The following LAMTOR1 variants were observed in gnomAD, a reference collection of about 807,000 sequenced individuals.
LAMTOR1 encodes ragulator complex protein LAMTOR1.
In LAMTOR1, 8 loss-of-function variants were observed where a neutral mutation model predicts 20.5. The observed-to-expected ratio is 0.39, with a 90% CI of 0.23 to 0.70. The LOEUF (loss-of-function observed/expected upper bound fraction) is 0.70, where lower values mean the gene tolerates loss of function less well. Ranked by LOEUF, LAMTOR1 falls within the 30% of genes least tolerant of loss-of-function variation. The pLI is 0.43. For missense variants in LAMTOR1, 135 were observed against 206.2 expected, an observed-to-expected ratio of 0.65 and a Z score of 2.11; for synonymous variants, 77 against 80.9, an observed-to-expected ratio of 0.95 and a Z score of 0.26.
In LAMTOR1 at chr11:72,098,431, G is replaced by A. The variant is rs1265167597; in HGVS notation, c.267-16C>T. The A allele has an allele frequency of 3.1e-6, 5 of 1,604,858 alleles. No individual in the cohort carries two copies. Among genetic ancestry groups the A allele is most frequent in the Non-Finnish European group, 4.3e-6 (5 of 1,176,210 alleles). On this transcript the variant is annotated splice_polypyrimidine_tract_variant and intron_variant, in intron 3 of 4. Transcript: ENST00000278671. ...CAAGCGGGTGCTGACCAAGAGAGAG[G>A]GGGTGGGGGTAGGCAGTTAAGCCAC...
In LAMTOR1 at chr11:72,098,369, G is replaced by A. The variant is rs759702170; in HGVS notation, c.313C>T (p.Leu105=). The A allele has an allele frequency of 6.2e-7, 1 of 1,612,594 alleles. No homozygotes were observed. The highest frequency in any genetic ancestry group is 1.1e-5 in the South Asian group (1 of 90,708). The change falls in exon 4 of 5, where the codon CTG becomes TTG. Residue 105 remains leucine (L), a synonymous_variant. Coordinates refer to ENST00000278671, the MANE Select transcript of LAMTOR1 (RefSeq NM_017907.3). ...CTGGTAAGAGACGGCAGCGGTGGCA[G>A]CTTCTTCCAATGGGTCAGGCTGCTG... ...LSSSLTHWKK[L]PPLPSLTSQP...
At position 72,099,261 on chromosome 11, in the gene LAMTOR1, A is replaced by C. The variant is rs776374341; in HGVS notation, c.43-5T>G. 4 of 1,553,726 alleles carry C rather than the reference A, an allele frequency of 2.6e-6. No individual in the cohort carries two copies. In the South Asian group the frequency reaches 4.9e-5, roughly 19 times the overall value. ...CAGCTTCCGCTCCTCTCGGTCCTAG[A>C]AGTGGTCATGGGAGAGAAGTCAGCC... On this transcript the variant is annotated splice_polypyrimidine_tract_variant and splice_region_variant and intron_variant, in intron 1 of 4. Transcript: ENST00000278671.
rs1161521924 is a variant in LAMTOR1 at position 72,097,473 on chromosome 11, G to T, written c.*349C>A. The T allele has an allele frequency of 4.7e-6, 5 of 1,063,328 alleles. No individual in the cohort carries two copies. In the East Asian group the frequency reaches 3.1e-4, roughly 66 times the overall value. The allele number at this position is 1,063,328 out of a possible 1,614,324, so 65.9% of individuals were successfully genotyped here. ...CAAGTCAGGGAGAGGGGGCAGGAGT[G>T]ACTCTGAGGCCAACAGAGAGGGTGG... On this transcript the variant is annotated 3_prime_UTR_variant, in exon 5 of 5. Transcript: ENST00000278671.
chr11:72,102,022 G>A (rs542309910), intron 1 of LAMTOR1, among the ~76,000 whole-genome samples: 1 of 152,270 alleles, frequency 6.6e-6, no homozygotes, highest in Admixed American at 6.5e-5. Flanking sequence ...CCTAACACAG[G>A]GCAAAGGAAA....
intron 3 of LAMTOR1, 113 bp downstream of exon 3, chr11:72,098,668 C>T: frequency 2.3e-6 from 2 of 856,296 alleles, no homozygotes; most frequent in South Asian, 1.8e-5. Flanking sequence ...GGTCAGTCTC[C>T]AGGGCTGCAC....
rs755246927 is a variant in LAMTOR1 at position 72,097,927 on chromosome 11, G to C, written c.394-13C>G. On this transcript the variant is annotated splice_polypyrimidine_tract_variant and intron_variant, in intron 4 of 4. Transcript: ENST00000278671. Reference sequence around the variant, plus strand: ...CTATCCTGGAGACCTGAGACAGAGAGGGGCCGGGGAGGAGAGGAACAGAGA... The same window carrying C: ...CTATCCTGGAGACCTGAGACAGAGACGGGCCGGGGAGGAGAGGAACAGAGA... 48 of 1,578,606 alleles carry C rather than the reference G, an allele frequency of 3.0e-5. 1 individual carries two copies. In the Admixed American group the frequency reaches 8.0e-4, roughly 26 times the overall value.
intron 1 of LAMTOR1, among the ~76,000 whole-genome samples, chr11:72,099,683 G>A (rs1247991758): frequency 6.6e-6 from 1 of 152,180 alleles, no homozygotes; most frequent in Non-Finnish European, 1.5e-5. Flanking sequence ...TCATCCCCTA[G>A]GACCAGGCCT....
intron 1 of LAMTOR1, among the ~76,000 whole-genome samples, chr11:72,101,493 A>G (rs1945437183): frequency 6.6e-6 from 1 of 152,196 alleles, no homozygotes; most frequent in Non-Finnish European, 1.5e-5. Flanking sequence ...GCTTCTCTGA[A>G]CTTCTTCCTC....
At position 72,100,500 on chromosome 11, in the gene LAMTOR1, C is replaced by T. The variant is rs181718530; in HGVS notation, c.43-1244G>A. 7 of 152,376 alleles carry T rather than the reference C, an allele frequency of 4.6e-5. 1 individual carries two copies. The highest frequency in any genetic ancestry group is 1.7e-4 in the African/African-American group (7 of 41,574). The allele number at this position is 152,376 out of a possible 1,614,324, so 9.4% of individuals were successfully genotyped here. ...TGCCTTGAGACCATCAGCTGCAAAT[C>T]CTTGCTTGCTGTATCAGCAGTAAAT... On this transcript the variant is annotated intron_variant, in intron 1 of 4. Transcript: ENST00000278671.
Position 72,099,130 on chromosome 11 carries a change from T to C in LAMTOR1, c.169A>G (p.Ile57Val). Reference sequence around the variant, plus strand: ...ACTTACCTGGCTGTCTTGGCAAGGATGGAAGAGAGCAGGGCCTGCTCATCA... The same window carrying C: ...ACTTACCTGGCTGTCTTGGCAAGGACGGAAGAGAGCAGGGCCTGCTCATCA... ...RTDEQALLSS[I>V]LAKTASNIID... The change falls in exon 2 of 5, where the codon ATC (isoleucine) becomes GTC (valine). Residue 57 changes from isoleucine (I) to valine (V), a missense_variant. By Grantham distance (29) the Ile-to-Val change is conservative (BLOSUM62 3). Coordinates refer to ENST00000278671, the MANE Select transcript of LAMTOR1 (RefSeq NM_017907.3). The C allele has an allele frequency of 1.2e-6, 2 of 1,613,914 alleles. No homozygotes were observed.
At position 72,097,794 on chromosome 11, in the gene LAMTOR1, G is replaced by C. The variant is rs889522406; in HGVS notation, c.*28C>G. Reference sequence around the variant, plus strand: ...TGGGGTAGAGATGGGATGAAGAGAGGAGAAGAGCTGTCCAAGGACCCCTCT... The same window carrying C: ...TGGGGTAGAGATGGGATGAAGAGAGCAGAAGAGCTGTCCAAGGACCCCTCT... On this transcript the variant is annotated 3_prime_UTR_variant, in exon 5 of 5. Coordinates refer to ENST00000278671, the MANE Select transcript of LAMTOR1 (RefSeq NM_017907.3). 1.9e-6 allele frequency: 3 copies of C among 1,613,818 alleles called. No individual in the cohort carries two copies. The highest frequency in any genetic ancestry group is 1.7e-6 in the Non-Finnish European group (2 of 1,179,922).
chr11:72,097,477 CTGAG>C lies in LAMTOR1; in HGVS notation c.*341_*344del. On this transcript the variant is annotated 3_prime_UTR_variant, in exon 5 of 5. Transcript: ENST00000278671. ...TCAGGGAGAGGGGGCAGGAGTGACT[CTGAG>C]GCCAACAGAGAGGGTGGGAAGGGGA... is the stretch of plus-strand genomic sequence containing the variant. 9.3e-7 allele frequency: 1 copy of C among 1,072,594 alleles called. No homozygotes were observed. Among genetic ancestry groups the C allele is most frequent in the Non-Finnish European group, 1.1e-6 (1 of 882,132 alleles). 66.4% of individuals were successfully genotyped at this position (1,072,594 alleles called of 1,614,324 possible). A position where few individuals can be genotyped will look rare whatever the true frequency, so the allele number is the denominator to read the frequency against.
chr11:72,098,031 G>T, intron 4 of LAMTOR1, 117 bp from the exon 5 acceptor site: 1 of 1,295,236 alleles, frequency 7.7e-7, no homozygotes, highest in Non-Finnish European at 1.1e-6. Context: ...AGGGGAACAG[G>T]AAGGCAAAGA....
chr11:72,103,229 G>GGGGTC lies in LAMTOR1; in HGVS notation c.-10_-6dup. 6.4e-7 allele frequency: 1 copy of GGGGTC among 1,560,960 alleles called. No homozygotes were observed. Among genetic ancestry groups the GGGGTC allele is most frequent in the Non-Finnish European group, 8.7e-7 (1 of 1,152,320 alleles). On this transcript the variant is annotated 5_prime_UTR_variant, in exon 1 of 5. Transcript: ENST00000278671. ...GCTGCTGTAGCAGCACCCCATGGCC[G>GGGGTC]GGGTCGGGCCGGGCGCTCAGGCCGC...
At position 72,097,608 on chromosome 11, in the gene LAMTOR1, C is replaced by T. The variant is rs187508222; in HGVS notation, c.*214G>A. 1.1e-5 allele frequency: 15 copies of T among 1,379,042 alleles called. No homozygotes were observed. The African/African-American group carries it at 1.8e-4, about 16-fold the overall frequency. The allele number at this position is 1,379,042 out of a possible 1,614,324, so 85.4% of individuals were successfully genotyped here. A position where few individuals can be genotyped will look rare whatever the true frequency, so the allele number is the denominator to read the frequency against. ...AGGCTCTGTCCTTTTGGCCCCCACCCCATCCCTGGCCAGAGCTTCAAAGGC... is the reference window on the plus strand; with the variant it reads ...AGGCTCTGTCCTTTTGGCCCCCACCTCATCCCTGGCCAGAGCTTCAAAGGC... On this transcript the variant is annotated 3_prime_UTR_variant, in exon 5 of 5. Coordinates refer to ENST00000278671, the MANE Select transcript of LAMTOR1 (RefSeq NM_017907.3).
Position 72,098,339 on chromosome 11 carries a change from G to A in LAMTOR1, c.343C>T (p.Pro115Ser). The part of the protein sequence containing the change: ...LPPLPSLTSQ[P>S]HQVLASEPIP... ...GGCTCACTGGCCAGCACTTGGTGGG[G>A]CTGGCTGGTAAGAGACGGCAGCGGT... Residue 115 changes from proline (P) to serine (S), a missense_variant, in exon 4 of 5, where the codon CCC becomes TCC. Physicochemically the swap from Pro to Ser is moderately conservative, Grantham distance 74. Transcript: ENST00000278671. The A allele has an allele frequency of 1.2e-6, 2 of 1,613,584 alleles. No homozygotes were observed. The highest frequency in any genetic ancestry group is 1.7e-6 in the Non-Finnish European group (2 of 1,179,874).
At position 72,097,816 on chromosome 11, in the gene LAMTOR1, C is replaced by G. The variant is rs1945282547; in HGVS notation, c.*6G>C. Reference sequence around the variant, plus strand: ...GAGGAGAAGAGCTGTCCAAGGACCCCTCTCTTCATGGGATCCCAAACTGTA... The same window carrying G: ...GAGGAGAAGAGCTGTCCAAGGACCCGTCTCTTCATGGGATCCCAAACTGTA... On this transcript the variant is annotated 3_prime_UTR_variant, in exon 5 of 5. Coordinates refer to ENST00000278671, the MANE Select transcript of LAMTOR1 (RefSeq NM_017907.3). The G allele has an allele frequency of 1.2e-6, 2 of 1,614,052 alleles. No homozygotes were observed. The highest frequency in any genetic ancestry group is 1.3e-5 in the African/African-American group (1 of 75,032).
intron 1 of LAMTOR1, among the ~76,000 whole-genome samples, chr11:72,100,951 C>T (rs539948034): frequency 4.1e-4 from 62 of 149,576 alleles, no homozygotes. Context: ...TATTAAAGAG[C>T]TAAAAAGACA....
Position 72,097,872 on chromosome 11 carries a change from T to A in LAMTOR1, c.436A>T (p.Ile146Phe). 1 of 1,612,028 alleles carries A rather than the reference T, an allele frequency of 6.2e-7. No individual in the cohort carries two copies. Among genetic ancestry groups the A allele is most frequent in the Non-Finnish European group, 8.5e-7 (1 of 1,178,584 alleles). ...AGCTCCTCTTTTGCGTCCACACGGA[T>A]CTGAGAAAGTGCACTGTAGGCATAA... ...AAYAYSALSQ[I>F]RVDAKEELVV... is the part of the protein sequence containing the mutation. The change falls in exon 5 of 5, where the codon ATC becomes TTC. Residue 146 changes from isoleucine to phenylalanine, a missense_variant. Physicochemically the swap from Ile to Phe is conservative, Grantham distance 21 (BLOSUM62 0). Coordinates refer to ENST00000278671, the MANE Select transcript of LAMTOR1 (RefSeq NM_017907.3).
Sources: allele counts gnomAD v4.1 joint callset (sites outside exome capture counted in the v4.1 genomes callset), GRCh38; gene constraint gnomAD v4.1.1; transcripts MANE v1.5; gene names NCBI Gene and HGNC (gene_info 2026-07-23, HGNC 2026-07-21).